The following RNF17 variants were observed in gnomAD, a reference collection of about 807,000 sequenced individuals.
The protein encoded by RNF17 is ring finger protein 17, also known as spermatogenesis associated 23.
A neutral mutation model predicts 200.5 loss-of-function variants in RNF17; 31 were observed. That is an observed-to-expected ratio of 0.15 (90% CI 0.12 to 0.21). The LOEUF is 0.21. Among genes scored for constraint, RNF17 ranks in the 10% least tolerant of loss-of-function variants. The pLI, the probability that RNF17 is intolerant of heterozygous loss-of-function variation, is 1.00. For missense variants in RNF17, 1,628 were observed against 1,905.1 expected (o/e 0.85, Z 2.71); for synonymous variants, 606 against 637.8 (o/e 0.95, Z 0.75).
At chr13:24,874,412 A>T (rs1440584180) in intron 33 of RNF17, among the ~76,000 whole-genome samples, 163 bp downstream of exon 33, 1 of 144,544 alleles carries the variant, frequency 6.9e-6, no homozygotes, top group Admixed American at 6.9e-5. Context: ...TTACCATTGT[A>T]GCTTTTTTTT....
chr13:24,790,575 G>T (rs1372980440), intron 9 of RNF17, among the ~76,000 whole-genome samples: 3 of 152,098 alleles, frequency 2.0e-5, no homozygotes, highest in Admixed American at 2.0e-4. Context: ...TTCTATTTGT[G>T]CTGCTATAAC....
At chr13:24,762,724 T>G (rs1249286996), upstream of RNF17, among the ~76,000 whole-genome samples, 1 of 152,240 alleles carries the variant, frequency 6.6e-6, no homozygotes, top group Admixed American at 6.5e-5. Context: ...GCAGGCTTTA[T>G]TCTTAGCAGC....
chr13:24,806,685 A>G (rs1460284589), intron 15 of RNF17, among the ~76,000 whole-genome samples: 2 of 151,928 alleles, frequency 1.3e-5, no homozygotes, highest in African/African-American at 2.4e-5. Context: ...TTTAGGGTAC[A>G]TGTGCACAAT....
intron 3 of RNF17, among the ~76,000 whole-genome samples, chr13:24,777,854 G>A (rs7327366): frequency 0.86 from 130,682 of 152,216 alleles, 56,178 homozygotes; most frequent in Middle Eastern, 0.93. Flanking sequence ...TGGTTAATTG[G>A]TAATTCACTG....
At chr13:24,857,234 C>T (rs1225332765) in intron 25 of RNF17, among the ~76,000 whole-genome samples, 1 of 152,136 alleles carries the variant, frequency 6.6e-6, no homozygotes, top group Non-Finnish European at 1.5e-5. Flanking sequence ...TTTACTCTTT[C>T]CTCCATGATT....
chr13:24,885,696 T>C, the RNF17 span: 1 of 1,537,370 alleles, frequency 6.5e-7, no homozygotes, highest in East Asian at 2.2e-5. Flanking sequence ...TGTCAAGAGT[T>C]AGATTTAATA....
chr13:24,834,986 A>C (rs922857520), intron 18 of RNF17, among the ~76,000 whole-genome samples: 1 of 152,150 alleles, frequency 6.6e-6, no homozygotes, highest in African/African-American at 2.4e-5. Flanking sequence ...GATGGGGGGA[A>C]CACAGTGGGA....
intron 28 of RNF17, among the ~76,000 whole-genome samples, chr13:24,863,893 C>T (rs895096423): frequency 2.6e-5 from 4 of 152,178 alleles, no homozygotes; most frequent in South Asian, 4.1e-4. Context: ...CTCCCTTGTA[C>T]GCAAAGGGAG....
chr13:24,839,585 T>A (rs187728330), intron 18 of RNF17, among the ~76,000 whole-genome samples: 4 of 152,222 alleles, frequency 2.6e-5, no homozygotes, highest in Non-Finnish European at 4.4e-5. Context: ...CCCAAATACT[T>A]ACAGCCACTG....
At chr13:24,790,899 C>T (rs1267901504) in intron 9 of RNF17, among the ~76,000 whole-genome samples, 1 of 152,132 alleles carries the variant, frequency 6.6e-6, no homozygotes, top group Non-Finnish European at 1.5e-5. Context: ...AGGGCAGAGC[C>T]CTCATTGCTT....
In RNF17 at chr13:24,818,758, A is replaced by T. The variant is rs78130603; in HGVS notation, c.2092-6861A>T. Among the ~76,000 whole-genome samples the T allele has an allele frequency of 5.3e-3, 813 of 152,148 alleles. 22 individuals carry two copies. In the East Asian group the frequency reaches 0.081, roughly 15 times the overall value. On this transcript the variant is annotated intron_variant, in intron 15 of 35. Transcript: ENST00000255324. ...TATTTTCTTCCATCCTTTGACTTTC[A>T]ACCTGTGTATAGCATAAGGTATAAA...
At chr13:24,850,048 G>C (rs190689447) in intron 22 of RNF17, among the ~76,000 whole-genome samples, 2 of 151,966 alleles carry the variant, frequency 1.3e-5, no homozygotes, top group Non-Finnish European at 2.9e-5. Context: ...GACTTAAAAA[G>C]TATTTAAAAT....
At chr13:24,756,623 G>A in the RNF17 span, among the ~76,000 whole-genome samples, 2 of 152,004 alleles carry the variant, frequency 1.3e-5, no homozygotes, top group African/African-American at 2.4e-5. Context: ...ATCCACTTCT[G>A]GAGGTTGATG....
At chr13:24,856,796 T>C (rs554207127) in intron 25 of RNF17, among the ~76,000 whole-genome samples, 22 of 152,240 alleles carry the variant, frequency 1.4e-4, no homozygotes, top group Admixed American at 2.6e-4. Flanking sequence ...CAAGTTACTT[T>C]GTTGTGTATC....
At position 24,788,006 on chromosome 13, in the gene RNF17, A is replaced by G. The variant is rs145568133; in HGVS notation, c.630A>G (p.Glu210=). 13 of 1,560,140 alleles carry G rather than the reference A, an allele frequency of 8.3e-6. No individual in the cohort carries two copies. In the African/African-American group the frequency reaches 1.8e-4, roughly 22 times the overall value. Residue 210 remains glutamate (E), a synonymous_variant, in exon 7 of 36, where the codon GAA becomes GAG. Transcript: ENST00000255324. The stretch of plus-strand genomic sequence containing the variant: ...AATGAAGGAAAAAGAACCTGTGTGA[A>G]GAATTTGCAAGAACTACTGATGATT... ...FFDSRKKNLC[E]EFARTTDDYL... is the part of the protein sequence containing the mutation.
At chr13:24,847,688 TG>T (rs1311123981) in intron 22 of RNF17, among the ~76,000 whole-genome samples, 1 of 152,198 alleles carries the variant, frequency 6.6e-6, no homozygotes, top group South Asian at 2.1e-4. Context: ...TTTTAAAATT[TG>T]TTTTATTCCC....
At chr13:24,797,394 G>C (rs1054255649) in intron 11 of RNF17, among the ~76,000 whole-genome samples, 2 of 152,090 alleles carry the variant, frequency 1.3e-5, no homozygotes, top group African/African-American at 2.4e-5. Flanking sequence ...TCCTGCCTCT[G>C]TACTTCATCA....
At chr13:24,884,425 CAG>C, downstream of RNF17, 1 of 1,614,060 alleles carries the variant, frequency 6.2e-7, no homozygotes, top group Non-Finnish European at 8.5e-7. Flanking sequence ...CATTGGGAAA[CAG>C]TATAACACGG....
chr13:24,860,001 A>C (rs543696075), intron 26 of RNF17, among the ~76,000 whole-genome samples: 55 of 152,158 alleles, frequency 3.6e-4, no homozygotes, highest in African/African-American at 1.2e-3. Flanking sequence ...TCTGATTCCT[A>C]AACTTCTGAT....
Sources: allele counts gnomAD v4.1 joint callset (sites outside exome capture counted in the v4.1 genomes callset), GRCh38; gene constraint gnomAD v4.1.1; transcripts MANE v1.5; gene names NCBI Gene and HGNC (gene_info 2026-07-23, HGNC 2026-07-21).